Variants in SLC30A7 observed in about 807,000 individuals in gnomAD.
The protein encoded by SLC30A7 is solute carrier family 30 member 7.
In SLC30A7, 35 loss-of-function variants were observed where a neutral mutation model predicts 46.0. The ratio of observed to expected loss-of-function variants is 0.76; its 90% CI spans 0.58 to 1.01. SLC30A7 has a LOEUF of 1.01. Among genes scored for constraint, SLC30A7 ranks in the 50% least tolerant of loss-of-function variants. The probability of loss-of-function intolerance (pLI) is 0.00; values close to 1 mark genes in which losing one functional copy is unlikely to be tolerated. For synonymous variants in SLC30A7, 147 were observed against 157.8 expected, an observed-to-expected ratio of 0.93 and a Z score of 0.51; for missense variants, 464 against 451.1, an observed-to-expected ratio of 1.03 and a Z score of -0.26.
chr1:100,943,361 A>G (rs1032867848), intron 8 of SLC30A7, among the ~76,000 whole-genome samples: 31 of 151,584 alleles, frequency 2.0e-4, no homozygotes, highest in African/African-American at 7.3e-4. Context: ...GCATGGGGTG[A>G]GGTATGGGGG....
intron 8 of SLC30A7, chr1:100,941,950 A>G: frequency 3.4e-6 from 1 of 294,646 alleles, no homozygotes; most frequent in Non-Finnish European, 6.5e-6. Flanking sequence ...GAAAATGAAG[A>G]GCTTCCACAG....
chr1:100,992,448 T>A, the SLC30A7 span, among the ~76,000 whole-genome samples: 1 of 151,778 alleles, frequency 6.6e-6, no homozygotes, highest in Non-Finnish European at 1.5e-5. Flanking sequence ...AGAATGCCAA[T>A]TTTTTTTTCT....
chr1:100,947,751 T>G (rs1303462772), intron 8 of SLC30A7, among the ~76,000 whole-genome samples: 2 of 152,208 alleles, frequency 1.3e-5, no homozygotes, highest in African/African-American at 4.8e-5. Flanking sequence ...CCATATATAT[T>G]TAGGATAGTT....
the SLC30A7 span, among the ~76,000 whole-genome samples, chr1:100,992,313 AG>A: frequency 6.6e-6 from 1 of 152,148 alleles, no homozygotes; most frequent in African/African-American, 2.4e-5. Context: ...ACCATTGATT[AG>A]GGATAACATA....
rs200174583 is a variant in SLC30A7 at position 100,896,239 on chromosome 1, C to G, written c.-24C>G. 1.9e-6 allele frequency: 3 copies of G among 1,611,672 alleles called. No homozygotes were observed. The Admixed American group carries it at 5.0e-5, about 27-fold the overall frequency. ...GAGCCACTTCTAGAGGGGAGTAGAC[C>G]CGGCCCTTCGCCGGGCAGAGAAGAT... On this transcript the variant is annotated 5_prime_UTR_variant, in exon 1 of 11. Coordinates refer to ENST00000357650, the MANE Select transcript of SLC30A7 (RefSeq NM_133496.5).
intron 8 of SLC30A7, among the ~76,000 whole-genome samples, chr1:100,938,619 A>G (rs749261408): frequency 6.6e-6 from 1 of 152,176 alleles, no homozygotes; most frequent in Non-Finnish European, 1.5e-5. Context: ...CAGGACTGCA[A>G]CTGAAGTGTT....
In SLC30A7 at chr1:100,896,106, C is replaced by G. The variant is rs1040785641; in HGVS notation, c.-157C>G. On this transcript the variant is annotated 5_prime_UTR_variant, in exon 1 of 11. Coordinates refer to ENST00000357650, the MANE Select transcript of SLC30A7 (RefSeq NM_133496.5). ...GCCCGGGCCGGAAGTAAGCGAATTC[C>G]CGGGTGTGTGTCTGTGTCTGTCTGT... is the stretch of plus-strand genomic sequence containing the variant. 1 of 661,740 alleles carries G rather than the reference C, an allele frequency of 1.5e-6. No individual in the cohort carries two copies. The highest frequency in any genetic ancestry group is 1.8e-5 in the African/African-American group (1 of 56,022). The allele number at this position is 661,740 out of a possible 1,614,324, so 41.0% of individuals were successfully genotyped here. A position where few individuals can be genotyped will look rare whatever the true frequency, so the allele number is the denominator to read the frequency against.
intron 8 of SLC30A7, chr1:100,941,002 TTTCCTAG>T (rs1324445399): frequency 8.2e-6 from 3 of 367,574 alleles, no homozygotes; most frequent in African/African-American, 6.4e-5. Context: ...CTAAACTTTA[TTTCCTAG>T]CAGTAATTAA....
chr1:100,961,740 C>G, intron 8 of SLC30A7, 88 bp from the exon 9 acceptor site: 1 of 645,844 alleles, frequency 1.5e-6, no homozygotes, highest in Non-Finnish European at 2.6e-6. Context: ...CTATTATATT[C>G]TACCGTAGGG....
the SLC30A7 span, chr1:100,992,744 T>TA: frequency 1.2e-6 from 2 of 1,605,754 alleles, no homozygotes; most frequent in Non-Finnish European, 1.7e-6. Flanking sequence ...CCTTCCCCTA[T>TA]AGGCAGAAAA....
intron 6 of SLC30A7, among the ~76,000 whole-genome samples, chr1:100,917,427 A>G (rs1468448813): frequency 6.6e-6 from 1 of 152,166 alleles, no homozygotes; most frequent in African/African-American, 2.4e-5. Context: ...TAGTAGGTAC[A>G]TTGTTAGTTG....
the SLC30A7 span, among the ~76,000 whole-genome samples, chr1:100,993,243 T>G: frequency 6.6e-6 from 1 of 152,060 alleles, no homozygotes; most frequent in Non-Finnish European, 1.5e-5. Flanking sequence ...TGCCGAACTA[T>G]CATATTAACA....
chr1:100,988,460 A>G, the SLC30A7 span, among the ~76,000 whole-genome samples: 3 of 152,254 alleles, frequency 2.0e-5, no homozygotes, highest in African/African-American at 7.2e-5. Context: ...TTCATTATAT[A>G]GTTCTTAAAT....
intron 8 of SLC30A7, among the ~76,000 whole-genome samples, chr1:100,953,272 A>C (rs751063838): frequency 2.0e-5 from 3 of 152,212 alleles, no homozygotes; most frequent in Non-Finnish European, 4.4e-5. Flanking sequence ...TTTTTATAGC[A>C]GTATGAAGGC....
chr1:100,912,791 T>A (rs1652195121), intron 5 of SLC30A7, among the ~76,000 whole-genome samples: 1 of 148,714 alleles, frequency 6.7e-6, no homozygotes, highest in South Asian at 2.1e-4. Flanking sequence ...GATGGGAGAG[T>A]CGCTTGAGCC....
rs1656385700 is a variant in SLC30A7, at chr1:100,974,993, C to CACAA, written c.*137_*138insCAAA. The CACAA allele has an allele frequency of 5.4e-6, 3 of 557,958 alleles. No individual in the cohort carries two copies. Among genetic ancestry groups the CACAA allele is most frequent in the Non-Finnish European group, 6.0e-6 (2 of 332,216 alleles). The allele number at this position is 557,958 out of a possible 1,614,324, so 34.6% of individuals were successfully genotyped here. ...GAGCACTAAGTAGACGGGGTAGAGT[C>CACAA]AGCCGTTCATGCTTTGTGGGGAGTT... On this transcript the variant is annotated 3_prime_UTR_variant, in exon 11 of 11. Coordinates refer to ENST00000357650, the MANE Select transcript of SLC30A7 (RefSeq NM_133496.5).
intron 6 of SLC30A7, 88 bp downstream of exon 6, chr1:100,913,894 A>T: frequency 6.6e-7 from 1 of 1,518,378 alleles, no homozygotes; most frequent in Non-Finnish European, 8.8e-7. Context: ...GTTTATTAAA[A>T]AGATACCAAA....
In SLC30A7 at chr1:100,977,853, A is replaced by C. The variant is rs967337673; in HGVS notation, c.*2996A>C. 6.6e-6 allele frequency: 1 copy of C among 152,292 alleles called. No individual in the cohort carries two copies. Among genetic ancestry groups the C allele is most frequent in the African/African-American group, 2.4e-5 (1 of 41,450 alleles). 9.4% of individuals were successfully genotyped at this position (152,292 alleles called of 1,614,324 possible). A position where few individuals can be genotyped will look rare whatever the true frequency, so the allele number is the denominator to read the frequency against. Reference sequence around the variant, plus strand: ...ACTGCAACCTCCACCTCCCGGGTTCAAGTGATTCTCCTGTCTCAGCTCCCT... The same window carrying C: ...ACTGCAACCTCCACCTCCCGGGTTCCAGTGATTCTCCTGTCTCAGCTCCCT... On this transcript the variant is annotated 3_prime_UTR_variant, in exon 11 of 11. Transcript: ENST00000357650.
intron 8 of SLC30A7, among the ~76,000 whole-genome samples, chr1:100,958,340 C>T (rs1655345550): frequency 6.6e-6 from 1 of 152,078 alleles, no homozygotes; most frequent in African/African-American, 2.4e-5. Flanking sequence ...TCACGCCCAG[C>T]TAATTTTTTA....
Sources: gnomAD v4.1 joint callset for allele counts (sites outside exome capture counted in the v4.1 genomes callset) on GRCh38, gnomAD v4.1.1 for gene constraint, MANE v1.5 for transcripts, NCBI Gene and HGNC (gene_info 2026-07-23, HGNC 2026-07-21) for gene names.